Variants in CCNJL observed in about 807,000 individuals in gnomAD.
The protein encoded by CCNJL is cyclin-J-like protein.
Under a neutral mutation model 33.4 loss-of-function variants are expected in CCNJL, and 33 were observed. The ratio of observed to expected loss-of-function variants is 0.99; its 90% CI spans 0.75 to 1.32. The LOEUF (loss-of-function observed/expected upper bound fraction) is 1.32. Among genes scored for constraint, CCNJL ranks in the 40% most tolerant of loss-of-function variants. CCNJL has a pLI of 0.00. For missense variants in CCNJL, 512 were observed against 499.7 expected (o/e 1.02, Z -0.23); for synonymous variants, 227 against 220.9 (o/e 1.03, Z -0.24).
chr5:160,277,436 C>T (rs1379041997), intron 3 of CCNJL, among the ~76,000 whole-genome samples: 7 of 152,144 alleles, frequency 4.6e-5, no homozygotes, highest in African/African-American at 1.4e-4. Flanking sequence ...AAAGACATTG[C>T]AGGAGGGGTG....
intron 1 of CCNJL, among the ~76,000 whole-genome samples, chr5:160,326,271 T>C (rs545414706): frequency 2.6e-5 from 4 of 152,072 alleles, no homozygotes; most frequent in African/African-American, 9.6e-5. Context: ...GGTCAGGAGT[T>C]TGAGACCAGC....
chr5:160,290,529 A>C (rs1030938582), intron 2 of CCNJL, among the ~76,000 whole-genome samples: 1 of 152,110 alleles, frequency 6.6e-6, no homozygotes, highest in Non-Finnish European at 1.5e-5. Flanking sequence ...CGGCCTCCCA[A>C]AGTGCTGGGA....
At chr5:160,258,644 A>C in intron 4 of CCNJL, 1 of 972,474 alleles carries the variant, frequency 1.0e-6, no homozygotes, top group Admixed American at 1.7e-5. Context: ...AACCTGAAAC[A>C]ATCTTAAGAA....
intron 4 of CCNJL, among the ~76,000 whole-genome samples, chr5:160,256,303 G>T (rs544953264): frequency 6.6e-5 from 10 of 152,280 alleles, no homozygotes; most frequent in Non-Finnish European, 1.5e-4. Flanking sequence ...CAAAACATTT[G>T]TCCTTTCTTT....
chr5:160,266,085 G>A (rs1249781251), intron 3 of CCNJL, among the ~76,000 whole-genome samples: 1 of 152,228 alleles, frequency 6.6e-6, no homozygotes, highest in Non-Finnish European at 1.5e-5. Flanking sequence ...AGATGGTGCT[G>A]GCGGGTCAGA....
At chr5:160,300,794 G>C (rs1035930394) in intron 2 of CCNJL, among the ~76,000 whole-genome samples, 1 of 152,098 alleles carries the variant, frequency 6.6e-6, no homozygotes, top group African/African-American at 2.4e-5. Flanking sequence ...CTAGTAGGTG[G>C]GACTACAGGT....
upstream of CCNJL, chr5:160,315,579 G>T (rs2113467812): frequency 1.2e-5 from 1 of 84,926 alleles, no homozygotes; most frequent in Non-Finnish European, 3.8e-5. Context: ...AAAAAGATTA[G>T]AGTACGATCC....
chr5:160,281,477 TC>T (rs1194976236), intron 2 of CCNJL: 2 of 153,002 alleles, frequency 1.3e-5, no homozygotes, highest in Non-Finnish European at 2.9e-5. Flanking sequence ...GACTTTTACT[TC>T]TACTTTGCAA....
intron 1 of CCNJL, chr5:160,339,375 A>C: frequency 5.5e-6 from 2 of 362,828 alleles, no homozygotes; most frequent in South Asian, 2.1e-5. Context: ...AAAAAAACAA[A>C]AAAAAACGCC....
upstream of CCNJL, among the ~76,000 whole-genome samples, chr5:160,316,909 A>G (rs1581017665): frequency 6.6e-6 from 1 of 152,296 alleles, no homozygotes; most frequent in African/African-American, 2.4e-5. Context: ...ATGTAACCAT[A>G]CTGCAGTGAA....
chr5:160,332,754 T>C (rs910084037), intron 1 of CCNJL, among the ~76,000 whole-genome samples: 4 of 152,194 alleles, frequency 2.6e-5, no homozygotes, highest in Non-Finnish European at 4.4e-5. Context: ...CTATTATAGT[T>C]TCAACTACTG....
At chr5:160,284,990 C>T (rs754670132) in intron 2 of CCNJL, among the ~76,000 whole-genome samples, 3 of 151,502 alleles carry the variant, frequency 2.0e-5, no homozygotes, top group Non-Finnish European at 4.4e-5. Flanking sequence ...TTTGGGAGGT[C>T]GACGGGGGTG....
At chr5:160,266,993 C>A (rs1449626689) in intron 3 of CCNJL, among the ~76,000 whole-genome samples, 1 of 152,172 alleles carries the variant, frequency 6.6e-6, no homozygotes, top group Non-Finnish European at 1.5e-5. Flanking sequence ...CCCAGATGTC[C>A]CCCTCCCCCA....
At chr5:160,321,779 C>A (rs1480352485) in intron 1 of CCNJL, among the ~76,000 whole-genome samples, 1 of 152,114 alleles carries the variant, frequency 6.6e-6, no homozygotes, top group Non-Finnish European at 1.5e-5. Context: ...TAAAAAAATA[C>A]AACAAAAAAA....
At chr5:160,265,308 T>G (rs896740154) in intron 3 of CCNJL, among the ~76,000 whole-genome samples, 2 of 152,130 alleles carry the variant, frequency 1.3e-5, no homozygotes. Flanking sequence ...AGAAACAGGT[T>G]TTAAAGCCAC....
At chr5:160,280,289 T>C (rs1400813981) in intron 3 of CCNJL, among the ~76,000 whole-genome samples, 1 of 152,184 alleles carries the variant, frequency 6.6e-6, no homozygotes, top group Non-Finnish European at 1.5e-5. Context: ...ATCTGCCTCC[T>C]AGGGCCACTG....
chr5:160,309,446 A>G (rs1763196993), intron 2 of CCNJL, among the ~76,000 whole-genome samples: 2 of 152,212 alleles, frequency 1.3e-5, no homozygotes, highest in South Asian at 4.1e-4. Context: ...CACATATGTA[A>G]ACATGCTTTG....
intron 2 of CCNJL, among the ~76,000 whole-genome samples, chr5:160,302,975 C>T (rs757145644): frequency 2.6e-5 from 4 of 152,024 alleles, no homozygotes; most frequent in African/African-American, 9.7e-5. Context: ...GTATCTTCTG[C>T]GGAGGGAAAT....
intron 3 of CCNJL, among the ~76,000 whole-genome samples, chr5:160,278,001 G>A (rs147616300): frequency 1.3e-3 from 196 of 152,040 alleles, no homozygotes; most frequent in African/African-American, 3.6e-3. Flanking sequence ...TCTGCCTCCC[G>A]GGTTCAAGCG....
Sources: allele counts gnomAD v4.1 joint callset (sites outside exome capture counted in the v4.1 genomes callset), GRCh38; gene constraint gnomAD v4.1.1; transcripts MANE v1.5; gene names NCBI Gene and HGNC (gene_info 2026-07-23, HGNC 2026-07-21).